Variants in GALNS observed in about 807,000 individuals in gnomAD.
GALNS encodes galactosamine (N-acetyl)-6-sulfatase.
In GALNS, 65 loss-of-function variants were observed where a neutral mutation model predicts 65.9. The observed-to-expected ratio is 0.99, with a 90% CI of 0.81 to 1.21. The LOEUF (loss-of-function observed/expected upper bound fraction) is 1.21, where lower values mean the gene tolerates loss of function less well. GALNS is among the 50% of genes most tolerant of loss of function. GALNS has a pLI of 0.00. For missense variants in GALNS, 776 were observed against 700.7 expected (o/e 1.11, Z -1.21); for synonymous variants, 346 against 288.9 (o/e 1.20, Z -2.00).
chr16:88,815,605 C>G (rs1909541014), intron 13 of GALNS: 1 of 985,488 alleles, frequency 1.0e-6, no homozygotes, highest in Non-Finnish European at 1.2e-6. Context: ...CAGTTTGGTT[C>G]TGTGTCCCCA....
chr16:88,832,121 G>C lies in GALNS; in HGVS notation c.899-20C>G. On this transcript the variant is annotated intron_variant, in intron 8 of 13. Coordinates refer to ENST00000268695, the MANE Select transcript of GALNS (RefSeq NM_000512.5). ...TGCCACCTGGGAGAGAGGGGCCCTT[G>C]TCAGGCCACTGGGACCAGATGTCCC... 1.2e-6 allele frequency: 2 copies of C among 1,603,012 alleles called. No individual in the cohort carries two copies. Among genetic ancestry groups the C allele is most frequent in the Non-Finnish European group, 1.7e-6 (2 of 1,171,088 alleles).
chr16:88,817,737 T>C (rs1331518897), intron 13 of GALNS, among the ~76,000 whole-genome samples: 1 of 152,118 alleles, frequency 6.6e-6, no homozygotes, highest in Non-Finnish European at 1.5e-5. Flanking sequence ...AGCTCCCCAG[T>C]CTCAGCTCAG....
At chr16:88,839,708 A>G (rs888802903) in intron 4 of GALNS, among the ~76,000 whole-genome samples, 4 of 152,220 alleles carry the variant, frequency 2.6e-5, no homozygotes, top group African/African-American at 9.6e-5. Flanking sequence ...CATGTGCGGG[A>G]GGAGCCTGGG....
intron 11 of GALNS, among the ~76,000 whole-genome samples, chr16:88,823,485 C>T (rs894600695): frequency 7.2e-5 from 11 of 151,970 alleles, no homozygotes; most frequent in South Asian, 4.2e-4. Context: ...CCCTCGCAGG[C>T]GGCAATGCCG....
chr16:88,825,885 G>C (rs957181758), intron 10 of GALNS, among the ~76,000 whole-genome samples: 1 of 152,190 alleles, frequency 6.6e-6, no homozygotes, highest in Non-Finnish European at 1.5e-5. Flanking sequence ...GGCGGCAGCT[G>C]CCTTGGGCCG....
At chr16:88,854,582 G>A (rs1185284812) in intron 1 of GALNS, among the ~76,000 whole-genome samples, 2 of 152,214 alleles carry the variant, frequency 1.3e-5, no homozygotes, top group Non-Finnish European at 2.9e-5. Flanking sequence ...CCCTCCCCCA[G>A]TGTGCTTGGC....
At chr16:88,842,953 G>A (rs960783499) in intron 1 of GALNS, 124 bp from the exon 2 acceptor site, 1 of 1,533,278 alleles carries the variant, frequency 6.5e-7, no homozygotes, top group African/African-American at 1.4e-5. Flanking sequence ...CTGTGTCCCA[G>A]CCAGCGGCAG....
intron 4 of GALNS, among the ~76,000 whole-genome samples, chr16:88,839,780 C>A: frequency 6.6e-6 from 1 of 152,254 alleles, no homozygotes; most frequent in East Asian, 1.9e-4. Flanking sequence ...CCGTCGACAG[C>A]TGTTCAGGAG....
intron 1 of GALNS, among the ~76,000 whole-genome samples, chr16:88,852,842 C>G (rs1296961845): frequency 6.6e-6 from 1 of 152,218 alleles, no homozygotes; most frequent in Non-Finnish European, 1.5e-5. Context: ...ATAATCCCAG[C>G]TACTCAGGAG....
chr16:88,814,675 C>T, intron 13 of GALNS, 150 bp from the exon 14 acceptor site: 3 of 1,269,674 alleles, frequency 2.4e-6, no homozygotes, highest in Non-Finnish European at 3.3e-6. Context: ...CTCACTGCAA[C>T]CTCTGCCTTC....
In GALNS at chr16:88,841,904, G is replaced by A. The variant is rs1293637427; in HGVS notation, c.312C>T (p.Ala104=). Residue 104 remains alanine (A), a synonymous_variant, in exon 3 of 14, where the codon GCC becomes GCT. Transcript: ENST00000268695. ...AGGCGGTGGGCAGCCTACCGTTTCT[G>A]GCATGGGCGTTGGTGGTGTAGAAGC... ...RNGFYTTNAH[A]RNAYTPQEIV... 6.2e-7 allele frequency: 1 copy of A among 1,613,062 alleles called. No individual in the cohort carries two copies. The highest frequency in any genetic ancestry group is 1.1e-5 in the South Asian group (1 of 90,846).
At chr16:88,837,047 T>C (rs1006860956) in intron 5 of GALNS, among the ~76,000 whole-genome samples, 4 of 152,244 alleles carry the variant, frequency 2.6e-5, no homozygotes, top group African/African-American at 9.6e-5. Context: ...CTGGTGCTGC[T>C]TCTGGTCACC....
chr16:88,820,437 T>C (rs1302775517), intron 12 of GALNS, among the ~76,000 whole-genome samples: 1 of 152,192 alleles, frequency 6.6e-6, no homozygotes, highest in Non-Finnish European at 1.5e-5. Flanking sequence ...CCACCCGTCT[T>C]TAATTTAGAG....
Position 88,856,871 on chromosome 16 carries a change from C to T in GALNS, c.7G>A (p.Ala3Thr), listed in dbSNP as rs544467763. 1.4e-5 allele frequency: 21 copies of T among 1,509,422 alleles called. 1 individual carries two copies. In the African/African-American group the frequency reaches 2.8e-4, roughly 20 times the overall value. The allele number at this position is 1,509,422 out of a possible 1,614,324, so 93.5% of individuals were successfully genotyped here. The change falls in exon 1 of 14, where the codon GCG (alanine) becomes ACG (threonine). Residue 3 changes from alanine (A) to threonine (T), a missense_variant. Coordinates refer to ENST00000268695, the MANE Select transcript of GALNS (RefSeq NM_000512.5). MA[A>T]VVAATRWWQL... ...CACCACCTCGTCGCCGCGACAACCGCCGCCATGGCAACCACGGGAGCCGCG... is the reference window on the plus strand; with the variant it reads ...CACCACCTCGTCGCCGCGACAACCGTCGCCATGGCAACCACGGGAGCCGCG...
Position 88,835,216 on chromosome 16 carries a change from G to A in GALNS, c.895C>T (p.Gln299Ter), listed in dbSNP as rs2143001103. 1 of 1,582,258 alleles carries A rather than the reference G, an allele frequency of 6.3e-7. No individual in the cohort carries two copies. The highest frequency in any genetic ancestry group is 8.6e-7 in the Non-Finnish European group (1 of 1,162,694). ...NGAALISAPE[Q>*]GGSNGPFLCG... ...AGAAGTGACAGCGAGCACTCACCTT[G>A]TTCGGGGGCGGAAATGAGGGCAGCG... The change falls in exon 8 of 14, where the codon CAA (glutamine) becomes TAA (stop). Residue 299 changes from glutamine to a stop codon, truncating the protein, a stop_gained. Transcript: ENST00000268695. LOFTEE classifies it high-confidence loss of function.
intron 2 of GALNS, 88 bp from the exon 3 acceptor site, chr16:88,842,059 A>G (rs901248290): frequency 8.5e-7 from 1 of 1,180,984 alleles, no homozygotes; most frequent in Non-Finnish European, 1.2e-6. Flanking sequence ...GAGTAGACAG[A>G]CGCGTGACAG....
chr16:88,856,299 T>C, intron 1 of GALNS: 1 of 702,722 alleles, frequency 1.4e-6, no homozygotes, highest in East Asian at 2.7e-5. Context: ...GCGGGAGTGA[T>C]TCCTAGGGCG....
chr16:88,856,242 G>A lies in GALNS; in HGVS notation c.120+516C>T, dbSNP rs59100522. 5.8e-4 allele frequency: 410 copies of A among 703,046 alleles called. 2 individuals carry two copies. In the African/African-American group the frequency reaches 6.1e-3, roughly 10 times the overall value. 43.6% of individuals were successfully genotyped at this position (703,046 alleles called of 1,614,324 possible). A position where few individuals can be genotyped will look rare whatever the true frequency, so the allele number is the denominator to read the frequency against. On this transcript the variant is annotated intron_variant, in intron 1 of 13. Transcript: ENST00000268695. ...CATTCTCCAGAGGACAGAGACAGCC[G>A]TCAGGTAAGACTGGAGCCCAGCGGG... is the stretch of plus-strand genomic sequence containing the variant.
chr16:88,831,019 C>T (rs552851134), intron 9 of GALNS, among the ~76,000 whole-genome samples: 84 of 152,330 alleles, frequency 5.5e-4, no homozygotes, highest in African/African-American at 2.0e-3. Flanking sequence ...ACCTGTTTAG[C>T]TCCATTTAAC....
Sources: gnomAD v4.1 joint callset for allele counts (sites outside exome capture counted in the v4.1 genomes callset) on GRCh38, gnomAD v4.1.1 for gene constraint, MANE v1.5 for transcripts, NCBI Gene and HGNC (gene_info 2026-07-23, HGNC 2026-07-21) for gene names.